Variants in HACL1 observed in about 807,000 individuals in gnomAD.
HACL1 encodes 2-hydroxyacyl-CoA lyase 1, also known as 1600020H07Rik.
HACL1 carries 64 observed loss-of-function variants against 74.2 expected under a neutral mutation model. That is an observed-to-expected ratio of 0.86 (90% CI 0.70 to 1.06). The LOEUF is 1.06. Among genes scored for constraint, HACL1 ranks in the 50% least tolerant of loss-of-function variants. The pLI is 0.00. For synonymous variants in HACL1, 230 were observed against 238.8 expected (o/e 0.96, Z 0.34); for missense variants, 728 against 719.7 (o/e 1.01, Z -0.13).
At chr3:15,585,931 A>G (rs1254568559) in intron 6 of HACL1, among the ~76,000 whole-genome samples, 4 of 152,214 alleles carry the variant, frequency 2.6e-5, no homozygotes, top group African/African-American at 9.6e-5. Context: ...GCAGGTGTCT[A>G]AACAGTTTAT....
chr3:15,563,380 G>T lies in HACL1; in HGVS notation c.1682C>A (p.Pro561Gln). Residue 561 changes from proline to glutamine, a missense_variant, in exon 16 of 17, where the codon CCA becomes CAA. Physicochemically the swap from Pro to Gln is moderately conservative, Grantham distance 76. Coordinates refer to ENST00000321169, the MANE Select transcript of HACL1 (RefSeq NM_012260.4). ...KPSLINIMIE[P>Q]QATRKAQDFH... ...TACCTGGGCCTTCCGTGTGGCTTGT[G>T]GCTCAATCATGATGTTGATAAGAGA... 6 of 1,613,190 alleles carry T rather than the reference G, an allele frequency of 3.7e-6. No individual in the cohort carries two copies. Among genetic ancestry groups the T allele is most frequent in the Non-Finnish European group, 5.1e-6 (6 of 1,179,398 alleles).
intron 2 of HACL1, among the ~76,000 whole-genome samples, chr3:15,598,472 T>C (rs557344291): frequency 3.9e-5 from 6 of 152,230 alleles, no homozygotes; most frequent in South Asian, 4.1e-4. Context: ...CTGTGTAATT[T>C]TGGCAAGTTG....
Position 15,567,845 on chromosome 3 carries a change from T to C in HACL1, c.1408A>G (p.Arg470Gly). ...CTCTGATTCAGGATGATGTTTTACC[T>C]GCAGATGGTTTCTACCTCCATGCCA... is the stretch of plus-strand genomic sequence containing the variant. ...FSGMEVETIC[R>G]YNLPIILLVV... The change falls in exon 14 of 17, where the codon AGG becomes GGG. Residue 470 changes from arginine (R) to glycine (G), a missense_variant and splice_region_variant. Physicochemically the swap from Arg to Gly is moderately radical, Grantham distance 125. Coordinates refer to ENST00000321169, the MANE Select transcript of HACL1 (RefSeq NM_012260.4). The C allele has an allele frequency of 6.2e-7, 1 of 1,613,058 alleles. No homozygotes were observed. Among genetic ancestry groups the C allele is most frequent in the Non-Finnish European group, 8.5e-7 (1 of 1,178,954 alleles).
chr3:15,592,409 C>T (rs894880605), intron 3 of HACL1, among the ~76,000 whole-genome samples: 1 of 150,894 alleles, frequency 6.6e-6, no homozygotes, highest in South Asian at 2.1e-4. Flanking sequence ...CATGTAGACA[C>T]ACGTATACAC....
intron 12 of HACL1, among the ~76,000 whole-genome samples, chr3:15,569,495 C>T (rs1217034150): frequency 6.6e-6 from 1 of 150,998 alleles, no homozygotes; most frequent in Non-Finnish European, 1.5e-5. Flanking sequence ...ATCATCCTGG[C>T]CAACATGGTG....
Position 15,567,902 on chromosome 3 carries a change from A to C in HACL1, c.1351T>G (p.Cys451Gly). The C allele has an allele frequency of 6.2e-7, 1 of 1,614,152 alleles. No homozygotes were observed. The highest frequency in any genetic ancestry group is 8.5e-7 in the Non-Finnish European group (1 of 1,179,932). ...KDRSPGQWIICVEGDSAFGFS... is the reference protein window; with the variant it reads ...KDRSPGQWIIGVEGDSAFGFS... ...CCAAATGCACTGTCTCCTTCCACAC[A>C]GATGATCCATTGCCCAGGGCTTCTA... The change falls in exon 14 of 17, where the codon TGT becomes GGT. Residue 451 changes from cysteine to glycine, a missense_variant. By Grantham distance (159) the Cys-to-Gly change is radical (BLOSUM62 -3). Transcript: ENST00000321169.
intron 8 of HACL1, 38 bp downstream of exon 8, chr3:15,582,839 C>T (rs778996704): frequency 1.9e-6 from 2 of 1,049,378 alleles, no homozygotes; most frequent in East Asian, 4.7e-5. Context: ...TTGGCACTTT[C>T]AAAAGCCTAG....
chr3:15,562,190 G>A (rs1377508649), intron 16 of HACL1, among the ~76,000 whole-genome samples: 1 of 152,156 alleles, frequency 6.6e-6, no homozygotes, highest in Non-Finnish European at 1.5e-5. Flanking sequence ...CTTAAAAAAA[G>A]AAAAGGCAAT....
intron 8 of HACL1, among the ~76,000 whole-genome samples, chr3:15,580,872 C>T (rs2063706258): frequency 6.6e-6 from 1 of 152,174 alleles, no homozygotes; most frequent in Non-Finnish European, 1.5e-5. Flanking sequence ...GTGATTGTAA[C>T]AGAGCTAACC....
At chr3:15,600,947 C>T (rs1020167296) in intron 2 of HACL1, 143 bp downstream of exon 2, 19 of 647,278 alleles carry the variant, frequency 2.9e-5, no homozygotes, top group Non-Finnish European at 4.8e-5. Context: ...GGTGTAACAA[C>T]AGTTAATATT....
intron 2 of HACL1, chr3:15,600,734 C>A (rs2064198399): frequency 3.5e-6 from 1 of 285,624 alleles, no homozygotes; most frequent in Non-Finnish European, 6.8e-6. Flanking sequence ...AAATAATATC[C>A]CTGCTCTAAT....
In HACL1 at chr3:15,571,648, G is replaced by C; in HGVS notation, c.1095+20C>G. The C allele has an allele frequency of 1.0e-6, 1 of 983,934 alleles. No homozygotes were observed. The highest frequency in any genetic ancestry group is 1.3e-5 in the South Asian group (1 of 77,808). 61.0% of individuals were successfully genotyped at this position (983,934 alleles called of 1,614,324 possible). On this transcript the variant is annotated intron_variant, in intron 12 of 16. Transcript: ENST00000321169. ...TCATGAGCCTGACCTGTTATTGAGC[G>C]TCAGTAGGTCCGATTTTACCTTGGA...
At chr3:15,585,202 A>G (rs1178248438) in intron 7 of HACL1, 46 bp downstream of exon 7, 3 of 907,128 alleles carry the variant, frequency 3.3e-6, no homozygotes, top group Non-Finnish European at 3.7e-6. Context: ...GCATTATGAT[A>G]ATACATGTAC....
At chr3:15,569,364 T>C (rs1470606659) in intron 12 of HACL1, among the ~76,000 whole-genome samples, 1 of 152,232 alleles carries the variant, frequency 6.6e-6, no homozygotes, top group African/African-American at 2.4e-5. Flanking sequence ...AAAGAAAAGA[T>C]TAGTCATGAT....
intron 11 of HACL1, 36 bp downstream of exon 11, chr3:15,573,123 T>C (rs1303166476): frequency 1.8e-6 from 2 of 1,082,974 alleles, no homozygotes; most frequent in African/African-American, 1.5e-5. Flanking sequence ...TATTCCCTAA[T>C]AAGCACTCCA....
intron 9 of HACL1, among the ~76,000 whole-genome samples, chr3:15,579,354 A>T (rs1021122438): frequency 1.1e-4 from 16 of 152,208 alleles, no homozygotes; most frequent in Admixed American, 1.0e-3. Context: ...TTACCCCATC[A>T]TGAAGTATAG....
At chr3:15,593,109 G>A (rs1559562534) in intron 3 of HACL1, among the ~76,000 whole-genome samples, 1 of 144,230 alleles carries the variant, frequency 6.9e-6, no homozygotes, top group Admixed American at 6.8e-5. Context: ...ATATGTGTGT[G>A]TATATATACA....
intron 9 of HACL1, among the ~76,000 whole-genome samples, chr3:15,576,804 T>C (rs1297558090): frequency 6.6e-6 from 1 of 152,210 alleles, no homozygotes; most frequent in Non-Finnish European, 1.5e-5. Context: ...CAGTGATAAA[T>C]GCAATTTTTC....
intron 4 of HACL1, 150 bp from the exon 5 acceptor site, chr3:15,589,762 AG>A (rs1198788897): frequency 1.6e-6 from 1 of 614,890 alleles, no homozygotes; most frequent in African/African-American, 1.9e-5. Context: ...AGGCTGGGTG[AG>A]GTGGCTCACC....
Sources: gnomAD v4.1 joint callset for allele counts (sites outside exome capture counted in the v4.1 genomes callset) on GRCh38, gnomAD v4.1.1 for gene constraint, MANE v1.5 for transcripts, NCBI Gene and HGNC (gene_info 2026-07-23, HGNC 2026-07-21) for gene names.